The following FBN2 variants were observed in gnomAD, a reference collection of about 807,000 sequenced individuals.
The protein encoded by FBN2 is fibrillin-2.
In FBN2, 105 loss-of-function variants were observed where a neutral mutation model predicts 355.6. The observed-to-expected ratio is 0.30, with a 90% CI of 0.25 to 0.35. The LOEUF is 0.35. Ranked by LOEUF, FBN2 falls within the 10% of genes least tolerant of loss-of-function variation. The probability of loss-of-function intolerance (pLI) is 1.00; values close to 1 mark genes in which losing one functional copy is unlikely to be tolerated. For missense variants in FBN2, 3,280 were observed against 3,758.7 expected (o/e 0.87, Z 3.33); for synonymous variants, 1,350 against 1,301.2 (o/e 1.04, Z -0.81).
Position 128,450,884 on chromosome 5 carries a change from T to G in FBN2, c.827-4278A>C, listed in dbSNP as rs72663359. Among the ~76,000 whole-genome samples, 8,299 of 152,192 alleles carry G rather than the reference T, an allele frequency of 0.055. 1,017 individuals carry two copies. In the East Asian group the frequency reaches 0.57, roughly 10 times the overall value. ...TAATGCTATATACTTAATTACAAAA[T>G]AACATATCTCATTGCAACAAATGTT... On this transcript the variant is annotated intron_variant, in intron 6 of 64. Coordinates refer to ENST00000262464, the MANE Select transcript of FBN2 (RefSeq NM_001999.4).
At chr5:128,374,771 G>A (rs1181849059) in intron 14 of FBN2, 21 bp from the exon 15 acceptor site, 13 of 1,613,526 alleles carry the variant, frequency 8.1e-6, no homozygotes, top group African/African-American at 2.7e-5. Flanking sequence ...GGTGACAGAA[G>A]CCAAGCAGTT....
intron 33 of FBN2, among the ~76,000 whole-genome samples, chr5:128,329,084 G>T (rs1581219584): frequency 6.6e-6 from 1 of 152,080 alleles, no homozygotes. Context: ...ATTAATAGGA[G>T]AAACGCAGAC....
At chr5:128,331,886 G>C (rs1750702941) in intron 32 of FBN2, among the ~76,000 whole-genome samples, 1 of 152,056 alleles carries the variant, frequency 6.6e-6, no homozygotes, top group South Asian at 2.1e-4. Context: ...AAAATGGGAG[G>C]CCAAAAAGAG....
At chr5:128,493,882 G>C (rs1755578369) in intron 5 of FBN2, among the ~76,000 whole-genome samples, 1 of 152,182 alleles carries the variant, frequency 6.6e-6, no homozygotes, top group Admixed American at 6.5e-5. Flanking sequence ...GAATTACTGT[G>C]AGGTTTTTAG....
At chr5:128,259,969 C>G in intron 64 of FBN2, 140 bp from the exon 65 acceptor site, 2 of 838,630 alleles carry the variant, frequency 2.4e-6, no homozygotes, top group Admixed American at 4.1e-5. Flanking sequence ...TCCTTACCAG[C>G]AGTGGCTGTG....
In FBN2 at chr5:128,263,356, T is replaced by A. The variant is rs927992151; in HGVS notation, c.8192+69A>T. On this transcript the variant is annotated intron_variant, in intron 63 of 64. Coordinates refer to ENST00000262464, the MANE Select transcript of FBN2 (RefSeq NM_001999.4). ...TTAGACACTGTACTCTTCCCTGCAG[T>A]GGGGGGTGGCCTGAACTCACTCAGG... 3.4e-6 allele frequency: 4 copies of A among 1,170,948 alleles called. No homozygotes were observed. The African/African-American group carries it at 4.5e-5, about 13-fold the overall frequency. The allele number at this position is 1,170,948 out of a possible 1,614,324, so 72.5% of individuals were successfully genotyped here.
At chr5:128,531,720 G>A (rs1434427817) in intron 2 of FBN2, among the ~76,000 whole-genome samples, 1 of 143,160 alleles carries the variant, frequency 7.0e-6, no homozygotes, top group Non-Finnish European at 1.5e-5. Context: ...ATATGTATGT[G>A]TGTATATATA....
chr5:128,315,915 G>C (rs901242051), intron 36 of FBN2, among the ~76,000 whole-genome samples: 1 of 152,178 alleles, frequency 6.6e-6, no homozygotes, highest in Non-Finnish European at 1.5e-5. Context: ...GGTCTCTGAA[G>C]ACACGTAGTC....
chr5:128,362,787 T>C (rs1751671523), intron 18 of FBN2, among the ~76,000 whole-genome samples: 1 of 152,150 alleles, frequency 6.6e-6, no homozygotes, highest in Non-Finnish European at 1.5e-5. Flanking sequence ...CTTCATATTC[T>C]TCCATTTTTG....
At position 128,446,569 on chromosome 5, in the gene FBN2, T is replaced by C; in HGVS notation, c.864A>G (p.Gln288=). ...CCACTGTATTGATACAGTTTCCTCCTTGGCATATCCCTGGGATAGCCTGGC... is the reference window on the plus strand; with the variant it reads ...CCACTGTATTGATACAGTTTCCTCCCTGGCATATCCCTGGGATAGCCTGGC... The part of the protein sequence containing the change: ...DECQAIPGIC[Q]GGNCINTVGS... The change falls in exon 7 of 65, where the codon CAA becomes CAG. Residue 288 remains glutamine, a synonymous_variant. Coordinates refer to ENST00000262464, the MANE Select transcript of FBN2 (RefSeq NM_001999.4). The C allele has an allele frequency of 6.2e-7, 1 of 1,613,874 alleles. No individual in the cohort carries two copies. The highest frequency in any genetic ancestry group is 8.5e-7 in the Non-Finnish European group (1 of 1,179,822).
At chr5:128,428,458 C>T (rs918079383) in intron 7 of FBN2, among the ~76,000 whole-genome samples, 1 of 152,124 alleles carries the variant, frequency 6.6e-6, no homozygotes, top group African/African-American at 2.4e-5. Context: ...CTCCTAATGT[C>T]GTCCCCTAGA....
chr5:128,460,467 A>T (rs1489830954), intron 6 of FBN2, among the ~76,000 whole-genome samples: 3 of 152,162 alleles, frequency 2.0e-5, no homozygotes, highest in Non-Finnish European at 4.4e-5. Context: ...TTCCCATTGA[A>T]CTGCCATTGA....
intron 5 of FBN2, among the ~76,000 whole-genome samples, chr5:128,478,982 C>T (rs564064983): frequency 6.6e-6 from 1 of 152,298 alleles, no homozygotes; most frequent in East Asian, 1.9e-4. Flanking sequence ...CTAACTTTAT[C>T]AGTATATGGG....
intron 20 of FBN2, among the ~76,000 whole-genome samples, chr5:128,356,078 A>G (rs1424971465): frequency 2.0e-5 from 3 of 152,158 alleles, no homozygotes; most frequent in Non-Finnish European, 2.9e-5. Context: ...TCTCAATTGG[A>G]AATTGTGGCT....
chr5:128,442,477 T>C, intron 7 of FBN2: 1 of 348,938 alleles, frequency 2.9e-6, no homozygotes, highest in Non-Finnish European at 5.6e-6. Flanking sequence ...CCCTTCTTCA[T>C]TTAAATTAAA....
At chr5:128,300,098 C>A (rs1749672911) in intron 48 of FBN2, among the ~76,000 whole-genome samples, 1 of 152,178 alleles carries the variant, frequency 6.6e-6, no homozygotes, top group Non-Finnish European at 1.5e-5. Flanking sequence ...TAGGTAGAAT[C>A]TTGCCAAGGG....
At chr5:128,312,019 C>T in intron 37 of FBN2, 66 bp from the exon 38 acceptor site, 1 of 1,132,238 alleles carries the variant, frequency 8.8e-7, no homozygotes, top group South Asian at 1.3e-5. Flanking sequence ...AATGAGCAAG[C>T]ATTCAGCAAA....
intron 5 of FBN2, among the ~76,000 whole-genome samples, chr5:128,501,803 C>A (rs1755823409): frequency 6.6e-6 from 1 of 151,894 alleles, no homozygotes; most frequent in South Asian, 2.1e-4. Context: ...ACAGAACAGA[C>A]ACTGCTAAAA....
Position 128,345,346 on chromosome 5 carries a change from CA to C in FBN2, c.3217+10del. On this transcript the variant is annotated intron_variant, in intron 24 of 64. Coordinates refer to ENST00000262464, the MANE Select transcript of FBN2 (RefSeq NM_001999.4). ...TGAAGAAGGACCAAGGCGCTGGCCG[CA>C]GGCAGTTACCTTTGTAAAATGGCCG... 6.2e-7 allele frequency: 1 copy of C among 1,609,654 alleles called. No individual in the cohort carries two copies. Among genetic ancestry groups the C allele is most frequent in the Non-Finnish European group, 8.5e-7 (1 of 1,175,936 alleles).
Sources: allele counts gnomAD v4.1 joint callset (sites outside exome capture counted in the v4.1 genomes callset), GRCh38; gene constraint gnomAD v4.1.1; transcripts MANE v1.5; gene names NCBI Gene and HGNC (gene_info 2026-07-23, HGNC 2026-07-21).